RMDN3: variants seen among roughly 807,000 people sequenced by gnomAD.
The protein encoded by RMDN3 is regulator of microtubule dynamics 3, also known as regulator of microtubule dynamics protein 3.
A neutral mutation model predicts 61.8 loss-of-function variants in RMDN3; 41 were observed. The observed-to-expected ratio is 0.66, with a 90% CI of 0.52 to 0.86. The LOEUF is 0.86. RMDN3 is among the 40% of genes least tolerant of loss of function. The pLI, the probability that RMDN3 is intolerant of heterozygous loss-of-function variation, is 0.00. For synonymous variants in RMDN3, 247 were observed against 232.0 expected, an observed-to-expected ratio of 1.06 and a Z score of -0.59; for missense variants, 557 against 585.3, an observed-to-expected ratio of 0.95 and a Z score of 0.50.
At position 40,736,414 on chromosome 15, in the gene RMDN3, G is replaced by C; in HGVS notation, c.*127C>G. ...AATTAACTAATGGGGAGTGGTAGTGGGTAGCAGTCAGACCCAGGAGACAGA... is the reference window on the plus strand; with the variant it reads ...AATTAACTAATGGGGAGTGGTAGTGCGTAGCAGTCAGACCCAGGAGACAGA... On this transcript the variant is annotated 3_prime_UTR_variant, in exon 13 of 13. Coordinates refer to ENST00000338376, the MANE Select transcript of RMDN3 (RefSeq NM_018145.3). The C allele has an allele frequency of 1.3e-6, 1 of 782,362 alleles. No individual in the cohort carries two copies. Among genetic ancestry groups the C allele is most frequent in the Non-Finnish European group, 2.2e-6 (1 of 458,662 alleles). 48.5% of individuals were successfully genotyped at this position (782,362 alleles called of 1,614,324 possible).
Position 40,744,053 on chromosome 15 carries a change from G to T in RMDN3, c.904C>A (p.Leu302Ile). 6.2e-7 allele frequency: 1 copy of T among 1,612,342 alleles called. No individual in the cohort carries two copies. The highest frequency in any genetic ancestry group is 8.5e-7 in the Non-Finnish European group (1 of 1,179,412). ...EEVSEKKSYA[L>I]DGKEEAEAAL... ...GGAAGCTGTCAGCACTTACCATCTAGGGCATATGACTTCTTCTCGCTCACC... is the reference window on the plus strand; with the variant it reads ...GGAAGCTGTCAGCACTTACCATCTATGGCATATGACTTCTTCTCGCTCACC... Residue 302 changes from leucine to isoleucine, a missense_variant, in exon 6 of 13, where the codon CTA becomes ATA. Leu to Ile is a conservative substitution (Grantham distance 5). Coordinates refer to ENST00000338376, the MANE Select transcript of RMDN3 (RefSeq NM_018145.3).
intron 6 of RMDN3, among the ~76,000 whole-genome samples, chr15:40,741,693 G>C (rs779953720): frequency 1.5e-5 from 2 of 134,124 alleles, no homozygotes; most frequent in Non-Finnish European, 3.1e-5. Context: ...GCAATAGCAC[G>C]ATCTAGGCTC....
chr15:40,736,740 A>G (rs1442767365), intron 12 of RMDN3, 146 bp from the exon 13 acceptor site: 3 of 678,194 alleles, frequency 4.4e-6, no homozygotes, highest in Non-Finnish European at 5.1e-6. Context: ...CCTGGAGCCT[A>G]TTAAATCTGT....
chr15:40,747,016 T>G (rs1373107333), intron 4 of RMDN3, among the ~76,000 whole-genome samples: 1 of 152,116 alleles, frequency 6.6e-6, no homozygotes, highest in Non-Finnish European at 1.5e-5. Context: ...CCTGCCAGAT[T>G]GAGAAAAATC....
At chr15:40,747,658 C>G (rs1055816585) in intron 4 of RMDN3, 1 of 132,088 alleles carries the variant, frequency 7.6e-6, no homozygotes, top group Non-Finnish European at 1.7e-5. Flanking sequence ...CTGCCAGAGA[C>G]GAGCAGGGAC....
chr15:40,736,516 A>C lies in RMDN3; in HGVS notation c.*25T>G. 1 of 1,611,834 alleles carries C rather than the reference A, an allele frequency of 6.2e-7. No homozygotes were observed. The highest frequency in any genetic ancestry group is 1.1e-5 in the South Asian group (1 of 91,022). ...CCCCCCACCTTAAATAGTGGCATCA[A>C]GTCATGAAGGCCAGTGAAACGTGGT... On this transcript the variant is annotated 3_prime_UTR_variant, in exon 13 of 13. Transcript: ENST00000338376.
chr15:40,742,283 T>C (rs1128704), intron 6 of RMDN3, among the ~76,000 whole-genome samples: 2 of 151,326 alleles, frequency 1.3e-5, no homozygotes, highest in Non-Finnish European at 2.9e-5. Flanking sequence ...GCTAGGATTA[T>C]AGGCATGAGC....
chr15:40,736,294 CTTGATTTTT>C lies in RMDN3; in HGVS notation c.*238_*246del. 1 of 460,116 alleles carries C rather than the reference CTTGATTTTT, an allele frequency of 2.2e-6. No homozygotes were observed. Among genetic ancestry groups the C allele is most frequent in the Admixed American group, 3.9e-5 (1 of 25,334 alleles). The allele number at this position is 460,116 out of a possible 1,614,324, so 28.5% of individuals were successfully genotyped here. A position where few individuals can be genotyped will look rare whatever the true frequency, so the allele number is the denominator to read the frequency against. On this transcript the variant is annotated 3_prime_UTR_variant, in exon 13 of 13. Transcript: ENST00000338376. ...GTGTAATCCTGGGGCAGGTGTGAAT[CTTGATTTTT>C]TTAAGAGATTACTCAAGGGAGAGAA... is the stretch of plus-strand genomic sequence containing the variant.
At chr15:40,746,556 A>G (rs959242599) in intron 4 of RMDN3, among the ~76,000 whole-genome samples, 1 of 151,012 alleles carries the variant, frequency 6.6e-6, no homozygotes, top group Non-Finnish European at 1.5e-5. Flanking sequence ...CTGTGGCTGG[A>G]GCAAAACAGG....
At chr15:40,754,822 A>G (rs1897977341) in intron 1 of RMDN3, 32 bp from the exon 2 acceptor site, 3 of 569,520 alleles carry the variant, frequency 5.3e-6, no homozygotes, top group African/African-American at 3.0e-5. Context: ...GGGAGCAGGC[A>G]GGCGGGCGGG....
chr15:40,737,199 G>A lies in RMDN3; in HGVS notation c.1284C>T (p.Tyr428=). 1 of 1,614,108 alleles carries A rather than the reference G, an allele frequency of 6.2e-7. No individual in the cohort carries two copies. Among genetic ancestry groups the A allele is most frequent in the Non-Finnish European group, 8.5e-7 (1 of 1,179,952 alleles). Residue 428 remains tyrosine (Y), a synonymous_variant, in exon 12 of 13, where the codon TAC becomes TAT. Coordinates refer to ENST00000338376, the MANE Select transcript of RMDN3 (RefSeq NM_018145.3). ...KAGRVYISKC[Y]RELGKNSEAR... Reference sequence around the variant, plus strand: ...CTTCAGAGTTTTTCCCTAGTTCTCTGTAGCACTGAAAAGAGACAACAGTGA... The same window carrying A: ...CTTCAGAGTTTTTCCCTAGTTCTCTATAGCACTGAAAAGAGACAACAGTGA...
In RMDN3 at chr15:40,736,527, C is replaced by T; in HGVS notation, c.*14G>A. On this transcript the variant is annotated 3_prime_UTR_variant, in exon 13 of 13. Coordinates refer to ENST00000338376, the MANE Select transcript of RMDN3 (RefSeq NM_018145.3). ...AAATAGTGGCATCAAGTCATGAAGG[C>T]CAGTGAAACGTGGTTAGTCTCGTAA... 1 of 1,613,272 alleles carries T rather than the reference C, an allele frequency of 6.2e-7. No individual in the cohort carries two copies. The highest frequency in any genetic ancestry group is 8.5e-7 in the Non-Finnish European group (1 of 1,179,370).
chr15:40,741,663 T>C (rs905533339), intron 6 of RMDN3, among the ~76,000 whole-genome samples: 1 of 116,172 alleles, frequency 8.6e-6, no homozygotes, highest in Non-Finnish European at 1.8e-5. Flanking sequence ...AGAGTCTCAC[T>C]CTGTCGTCCA....
At position 40,736,238 on chromosome 15, in the gene RMDN3, G is replaced by T; in HGVS notation, c.*303C>A. 2.7e-6 allele frequency: 1 copy of T among 376,816 alleles called. No individual in the cohort carries two copies. Among genetic ancestry groups the T allele is most frequent in the Non-Finnish European group, 4.7e-6 (1 of 211,366 alleles). The allele number at this position is 376,816 out of a possible 1,614,324, so 23.3% of individuals were successfully genotyped here. A position where few individuals can be genotyped will look rare whatever the true frequency, so the allele number is the denominator to read the frequency against. ...AGTTCATCCACCTCACCAGCAATTG[G>T]AAGGTCTCAGGTCTTGCAGGCTCTA... On this transcript the variant is annotated 3_prime_UTR_variant, in exon 13 of 13. Coordinates refer to ENST00000338376, the MANE Select transcript of RMDN3 (RefSeq NM_018145.3).
chr15:40,737,820 G>T, intron 9 of RMDN3, 94 bp from the exon 10 acceptor site: 1 of 1,480,046 alleles, frequency 6.8e-7, no homozygotes, highest in Non-Finnish European at 9.4e-7. Flanking sequence ...GTCAAACGGG[G>T]CTGGGTCGAA....
At chr15:40,752,292 G>A (rs1444356013) in intron 2 of RMDN3, 114 bp from the exon 3 acceptor site, 13 of 1,047,662 alleles carry the variant, frequency 1.2e-5, no homozygotes, top group Non-Finnish European at 1.7e-5. Flanking sequence ...GCCCAGTGAC[G>A]CTCAGATAGC....
intron 2 of RMDN3, among the ~76,000 whole-genome samples, chr15:40,754,374 C>T (rs1298794154): frequency 6.6e-6 from 1 of 152,190 alleles, no homozygotes; most frequent in East Asian, 1.9e-4. Flanking sequence ...TCTTGAACTC[C>T]TGACCTCAGG....
chr15:40,750,960 C>G (rs940185604), intron 4 of RMDN3, among the ~76,000 whole-genome samples: 7 of 152,210 alleles, frequency 4.6e-5, no homozygotes, highest in African/African-American at 7.2e-5. Context: ...AAAGGCCTAT[C>G]GTCAGCCCTC....
At chr15:40,750,218 T>TG (rs1228274877) in intron 4 of RMDN3, among the ~76,000 whole-genome samples, 176 of 140,188 alleles carry the variant, frequency 1.3e-3, no homozygotes, top group African/African-American at 5.0e-3. Context: ...TCGTTTTTTT[T>TG]TTTTTTTTTT....
Sources: allele counts gnomAD v4.1 joint callset (sites outside exome capture counted in the v4.1 genomes callset), GRCh38; gene constraint gnomAD v4.1.1; transcripts MANE v1.5; gene names NCBI Gene and HGNC (gene_info 2026-07-23, HGNC 2026-07-21).